Variants in CDKAL1 observed in about 807,000 individuals in gnomAD.
The protein encoded by CDKAL1 is CDKAL1 threonylcarbamoyladenosine tRNA methylthiotransferase.
CDKAL1 carries 32 observed loss-of-function variants against 68.2 expected under a neutral mutation model. The ratio of observed to expected loss-of-function variants is 0.47; its 90% confidence interval spans 0.35 to 0.63. The LOEUF (loss-of-function observed/expected upper bound fraction) is 0.63, where lower values mean the gene tolerates loss of function less well. Among genes scored for constraint, CDKAL1 ranks in the 30% least tolerant of loss-of-function variants. The pLI, the probability that CDKAL1 is intolerant of heterozygous loss-of-function variation, is 0.00. For missense variants in CDKAL1, 606 were observed against 696.7 expected (o/e 0.87, Z 1.47); for synonymous variants, 234 against 244.3 (o/e 0.96, Z 0.39).
At chr6:20,791,509 A>G (rs1355984520) in intron 8 of CDKAL1, among the ~76,000 whole-genome samples, 1 of 152,132 alleles carries the variant, frequency 6.6e-6, no homozygotes, top group Non-Finnish European at 1.5e-5. Flanking sequence ...TGTTTAGTTA[A>G]TTGAAAGGAA....
At chr6:20,825,415 ATCAGTTCTGC>A (rs1348228787) in intron 8 of CDKAL1, among the ~76,000 whole-genome samples, 19 of 152,262 alleles carry the variant, frequency 1.2e-4, no homozygotes, top group Non-Finnish European at 2.5e-4. Context: ...TAAGCTATAA[ATCAGTTCTGC>A]TCAGTTCTGC....
At chr6:20,645,028 G>A (rs1015148643) in intron 4 of CDKAL1, among the ~76,000 whole-genome samples, 17 of 152,096 alleles carry the variant, frequency 1.1e-4, no homozygotes, top group Middle Eastern at 3.2e-3. Flanking sequence ...ATTGAATACC[G>A]TAGGCACTGC....
chr6:21,186,154 T>C (rs1380997752), intron 13 of CDKAL1, among the ~76,000 whole-genome samples: 1 of 152,196 alleles, frequency 6.6e-6, no homozygotes, highest in African/African-American at 2.4e-5. Context: ...TGAAAGATTG[T>C]GGCAGTGCCT....
chr6:20,717,288 T>A (rs1772143376), intron 5 of CDKAL1, among the ~76,000 whole-genome samples: 1 of 151,966 alleles, frequency 6.6e-6, no homozygotes, highest in African/African-American at 2.4e-5. Flanking sequence ...TTTGTATTTT[T>A]AATACAAAAT....
At chr6:20,710,245 G>A (rs2127828933) in intron 5 of CDKAL1, among the ~76,000 whole-genome samples, 1 of 152,266 alleles carries the variant, frequency 6.6e-6, no homozygotes, top group East Asian at 1.9e-4. Flanking sequence ...AACATTGTTT[G>A]TAGAAAGTAG....
At chr6:20,699,451 G>A (rs1157595906) in intron 5 of CDKAL1, among the ~76,000 whole-genome samples, 1 of 151,364 alleles carries the variant, frequency 6.6e-6, no homozygotes, top group Non-Finnish European at 1.5e-5. Context: ...TTTGTATTTT[G>A]ATCTTTATTT....
rs1440688451 is a variant in CDKAL1 at position 21,093,725 on chromosome 6, T to A, written c.1237-14676T>A. On this transcript the variant is annotated intron_variant, in intron 12 of 15. Transcript: ENST00000274695. ...TTTTTTTTTTTTTTTTTTTTTTTTT[T>A]TTTTTTTTTGGAGACAGGGCCTCTC... 2.3e-4 allele frequency among the ~76,000 whole-genome samples: 10 copies of A among 43,648 alleles called. 1 individual carries two copies. The highest frequency in any genetic ancestry group is 8.9e-4 in the African/African-American group (9 of 10,086). The allele number at this position is 43,648 out of a possible 152,430, so 28.6% of individuals were successfully genotyped here.
intron 7 of CDKAL1, among the ~76,000 whole-genome samples, chr6:20,773,485 T>C (rs965819777): frequency 6.6e-6 from 1 of 152,246 alleles, no homozygotes; most frequent in Non-Finnish European, 1.5e-5. Context: ...AAAATTCAAA[T>C]TGATGTGATC....
intron 8 of CDKAL1, among the ~76,000 whole-genome samples, chr6:20,805,415 A>G (rs928372148): frequency 1.3e-5 from 2 of 152,210 alleles, no homozygotes; most frequent in South Asian, 4.1e-4. Flanking sequence ...CAGTGGATGT[A>G]TATCACTGTT....
intron 5 of CDKAL1, among the ~76,000 whole-genome samples, chr6:20,697,938 G>A (rs952685838): frequency 1.5e-4 from 23 of 152,126 alleles, no homozygotes; most frequent in African/African-American, 3.9e-4. Flanking sequence ...TTTGAGTTAC[G>A]TGCATCTCAT....
chr6:20,970,734 T>A (rs1034573911), intron 10 of CDKAL1, among the ~76,000 whole-genome samples: 24 of 152,216 alleles, frequency 1.6e-4, no homozygotes, highest in African/African-American at 5.3e-4. Context: ...ACTTACAGAC[T>A]AAAATGTATA....
intron 10 of CDKAL1, among the ~76,000 whole-genome samples, chr6:20,990,236 C>G (rs1408765215): frequency 6.6e-6 from 1 of 152,074 alleles, no homozygotes; most frequent in African/African-American, 2.4e-5. Context: ...GAGCAAGACT[C>G]TGTCTCAAAA....
At chr6:21,038,383 AG>A (rs1317905315) in intron 11 of CDKAL1, among the ~76,000 whole-genome samples, 4 of 152,216 alleles carry the variant, frequency 2.6e-5, no homozygotes, top group Non-Finnish European at 5.9e-5. Flanking sequence ...TAGATTCTGT[AG>A]GGGTCAGACT....
At chr6:20,801,565 C>T (rs578061709) in intron 8 of CDKAL1, among the ~76,000 whole-genome samples, 73 of 152,188 alleles carry the variant, frequency 4.8e-4, no homozygotes, top group African/African-American at 1.6e-3. Flanking sequence ...CTACATCAGA[C>T]GTGACATTAT....
At chr6:20,967,182 C>G (rs1459140621) in intron 10 of CDKAL1, among the ~76,000 whole-genome samples, 1 of 152,136 alleles carries the variant, frequency 6.6e-6, no homozygotes, top group African/African-American at 2.4e-5. Context: ...CACCTTAATT[C>G]ATTATGACCT....
At chr6:21,094,143 G>A (rs1017727129) in intron 12 of CDKAL1, among the ~76,000 whole-genome samples, 3 of 152,126 alleles carry the variant, frequency 2.0e-5, no homozygotes, top group African/African-American at 7.2e-5. Context: ...ATGATCATGG[G>A]AAGTGGAGGT....
intron 13 of CDKAL1, among the ~76,000 whole-genome samples, chr6:21,159,534 G>C (rs1205845119): frequency 6.6e-6 from 1 of 152,114 alleles, no homozygotes; most frequent in African/African-American, 2.4e-5. Context: ...TTTGATCACT[G>C]TCCATCTCCC....
chr6:20,648,291 G>A (rs76614614), intron 4 of CDKAL1, among the ~76,000 whole-genome samples: 9,345 of 151,412 alleles, frequency 0.062, 893 homozygotes, highest in African/African-American at 0.21. Flanking sequence ...CACCACACCC[G>A]GCTAATTTTT....
At chr6:20,568,208 G>A (rs1441428206) in intron 4 of CDKAL1, among the ~76,000 whole-genome samples, 1 of 151,796 alleles carries the variant, frequency 6.6e-6, no homozygotes, top group Non-Finnish European at 1.5e-5. Context: ...TTGTAGAGAC[G>A]GAGTCTTGCC....
Sources: gnomAD v4.1 joint callset for allele counts (sites outside exome capture counted in the v4.1 genomes callset) on GRCh38, gnomAD v4.1.1 for gene constraint, MANE v1.5 for transcripts, NCBI Gene and HGNC (gene_info 2026-07-23, HGNC 2026-07-21) for gene names.